Variants in CHIC2 observed in about 807,000 individuals in gnomAD.
CHIC2 encodes the protein cysteine-rich hydrophobic domain-containing protein 2.
A neutral mutation model predicts 25.9 loss-of-function variants in CHIC2; 14 were observed. The observed-to-expected ratio is 0.54, with a 90% CI of 0.36 to 0.85. The LOEUF (loss-of-function observed/expected upper bound fraction) is 0.85, where lower values mean the gene tolerates loss of function less well. CHIC2 is among the 40% of genes least tolerant of loss of function. CHIC2 has a pLI of 0.01. For missense variants in CHIC2, 146 were observed against 202.0 expected, an observed-to-expected ratio of 0.72 and a Z score of 1.68; for synonymous variants, 70 against 72.0, an observed-to-expected ratio of 0.97 and a Z score of 0.14.
At chr4:54,015,449 G>A (rs578052532) in intron 3 of CHIC2, among the ~76,000 whole-genome samples, 44 of 151,994 alleles carry the variant, frequency 2.9e-4, no homozygotes, top group Non-Finnish European at 4.4e-4. Context: ...ATGAAAATAG[G>A]GCAGCAGTTA....
At chr4:54,035,023 T>C (rs1435592731) in intron 3 of CHIC2, among the ~76,000 whole-genome samples, 1 of 152,236 alleles carries the variant, frequency 6.6e-6, no homozygotes. Flanking sequence ...TAGAAATATG[T>C]TGAGTTACAT....
At position 54,064,050 on chromosome 4, in the gene CHIC2, C is replaced by T. The variant is rs77768511; in HGVS notation, c.119+132G>A. 2.6e-4 allele frequency: 188 copies of T among 715,834 alleles called. 1 individual carries two copies. The East Asian group carries it at 3.2e-3, about 12-fold the overall frequency. The allele number at this position is 715,834 out of a possible 1,614,324, so 44.3% of individuals were successfully genotyped here. A position where few individuals can be genotyped will look rare whatever the true frequency, so the allele number is the denominator to read the frequency against. On this transcript the variant is annotated intron_variant, in intron 1 of 5. Coordinates refer to ENST00000263921, the MANE Select transcript of CHIC2 (RefSeq NM_012110.4). This position sits in a 1 kb window ranked among gnomAD's most constrained non-coding sequence, Gnocchi z 4.2. ...CAAACAAATGAAAATAAGCCAAGTT[C>T]TCACTTCCTGGTTGCCTACTCTTTC...
Position 54,035,293 on chromosome 4 carries a change from A to T in CHIC2, c.330+13662T>A, listed in dbSNP as rs189080766. Among the ~76,000 whole-genome samples the T allele has an allele frequency of 2.1e-3, 316 of 152,286 alleles. 1 individual carries two copies. The highest frequency in any genetic ancestry group is 3.4e-3 in the Non-Finnish European group (231 of 68,016). On this transcript the variant is annotated intron_variant, in intron 3 of 5. Coordinates refer to ENST00000263921, the MANE Select transcript of CHIC2 (RefSeq NM_012110.4). The stretch of plus-strand genomic sequence containing the variant: ...GGGTTCTTTTCTCTTGATTTTCTAG[A>T]AGAGTTTGTGTAGAATAGGCATTAC...
chr4:54,084,775 C>G, the CHIC2 span, among the ~76,000 whole-genome samples: 2 of 151,392 alleles, frequency 1.3e-5, no homozygotes, highest in Admixed American at 1.3e-4. Context: ...CCCCAGAAAG[C>G]AAAAAATTAG....
chr4:54,047,638 G>T (rs1398262892), intron 3 of CHIC2, among the ~76,000 whole-genome samples: 1 of 141,660 alleles, frequency 7.1e-6, no homozygotes, highest in Non-Finnish European at 1.5e-5. Context: ...ACCACACACC[G>T]GGGACTGTTG....
chr4:54,030,665 A>AAT (rs1716202131), intron 3 of CHIC2, among the ~76,000 whole-genome samples: 1 of 144,780 alleles, frequency 6.9e-6, no homozygotes, highest in Admixed American at 6.9e-5. Flanking sequence ...CTAAAATGCT[A>AAT]ATTTTTTTTT....
At chr4:54,042,156 G>A (rs1716597848) in intron 3 of CHIC2, among the ~76,000 whole-genome samples, 1 of 152,100 alleles carries the variant, frequency 6.6e-6, no homozygotes, top group Non-Finnish European at 1.5e-5. Flanking sequence ...CCCAAGGACA[G>A]ATATGTATGG....
chr4:54,036,739 T>C (rs1716397757), intron 3 of CHIC2, among the ~76,000 whole-genome samples: 2 of 152,128 alleles, frequency 1.3e-5, no homozygotes, highest in African/African-American at 2.4e-5. Context: ...ACCTCCACTT[T>C]TGGCAGTTTC....
chr4:54,091,632 A>G, the CHIC2 span, among the ~76,000 whole-genome samples: 1 of 152,154 alleles, frequency 6.6e-6, no homozygotes, highest in African/African-American at 2.4e-5. Context: ...AGAAATCACC[A>G]CTAAAGAACC....
the CHIC2 span, among the ~76,000 whole-genome samples, chr4:54,080,765 A>G: frequency 6.6e-6 from 1 of 151,274 alleles, no homozygotes; most frequent in Non-Finnish European, 1.5e-5. Flanking sequence ...CAAAAAAAAA[A>G]AAAAAAGTAC....
chr4:54,047,098 G>A (rs371164872), intron 3 of CHIC2, among the ~76,000 whole-genome samples: 2 of 152,184 alleles, frequency 1.3e-5, no homozygotes, highest in Non-Finnish European at 2.9e-5. Flanking sequence ...ACCACAAAGA[G>A]ATACCATCTC....
At chr4:54,018,270 A>G (rs984505292) in intron 3 of CHIC2, among the ~76,000 whole-genome samples, 1 of 152,112 alleles carries the variant, frequency 6.6e-6, no homozygotes, top group Admixed American at 6.5e-5. Flanking sequence ...ACCTAGACAA[A>G]CTCAATTACT....
chr4:54,043,320 C>A (rs111620675), intron 3 of CHIC2, among the ~76,000 whole-genome samples: 1 of 151,212 alleles, frequency 6.6e-6, no homozygotes, highest in African/African-American at 2.4e-5. Context: ...ACTCAGGAGG[C>A]TGACACAGGA....
chr4:54,064,178 T>C lies in CHIC2; in HGVS notation c.119+4A>G. The C allele has an allele frequency of 1.2e-6, 2 of 1,600,792 alleles. No homozygotes were observed. The highest frequency in any genetic ancestry group is 2.3e-5 in the East Asian group (1 of 44,200). On this transcript the variant is annotated splice_donor_region_variant and intron_variant, in intron 1 of 5. Transcript: ENST00000263921. This position sits in a 1 kb window ranked among gnomAD's most constrained non-coding sequence, Gnocchi z 4.2. ...TCCCGCCCTCGCCCTCCTCCGGGCC[T>C]TACACGGTGACGTGACCGGAGCCGC...
At chr4:54,080,967 TATATATATATATATATATAA>T in the CHIC2 span, among the ~76,000 whole-genome samples, 3 of 136,460 alleles carry the variant, frequency 2.2e-5, no homozygotes, top group African/African-American at 9.0e-5. Flanking sequence ...TATATATATA[TATATATATATATATATATAA>T]AATCATCACA....
chr4:54,050,702 A>T (rs1191706386), intron 1 of CHIC2, among the ~76,000 whole-genome samples: 23 of 152,090 alleles, frequency 1.5e-4, no homozygotes, highest in Non-Finnish European at 1.5e-5. Flanking sequence ...GTACAGTAAC[A>T]TACTGTACAG....
Position 54,020,459 on chromosome 4 carries a change from C to T in CHIC2, c.331-6340G>A, listed in dbSNP as rs559878973. ...GCACCCAGGTGAAATAAACAGCCTT[C>T]TTGCTCACACAAAGTTTGTTTGGTG... On this transcript the variant is annotated intron_variant, in intron 3 of 5. Transcript: ENST00000263921. 1.4e-3 allele frequency among the ~76,000 whole-genome samples: 214 copies of T among 152,324 alleles called. 1 individual carries two copies. Among genetic ancestry groups the T allele is most frequent in the Middle Eastern group, 0.01 (3 of 294 alleles).
the CHIC2 span, among the ~76,000 whole-genome samples, chr4:54,086,571 G>A: frequency 1.3e-5 from 2 of 152,196 alleles, no homozygotes; most frequent in East Asian, 1.9e-4. Flanking sequence ...ATATTATGTA[G>A]CATATAGTTG....
chr4:54,070,526 G>A, the CHIC2 span, among the ~76,000 whole-genome samples: 4 of 152,034 alleles, frequency 2.6e-5, no homozygotes, highest in African/African-American at 7.2e-5. Context: ...GGATTCAAGC[G>A]ATTCTCCTGC....
Sources: allele counts gnomAD v4.1 joint callset (sites outside exome capture counted in the v4.1 genomes callset), GRCh38; gene constraint gnomAD v4.1.1; non-coding constraint Gnocchi (gnomAD v3.1); transcripts MANE v1.5; gene names NCBI Gene and HGNC (gene_info 2026-07-23, HGNC 2026-07-21).